The following CALN1 variants were observed in gnomAD, a reference collection of about 807,000 sequenced individuals.
CALN1 encodes calcium-binding protein 8.
Under a neutral mutation model 30.6 loss-of-function variants are expected in CALN1, and 17 were observed. The ratio of observed to expected loss-of-function variants is 0.56; its 90% CI spans 0.38 to 0.83. The LOEUF (loss-of-function observed/expected upper bound fraction) is 0.83, where lower values mean the gene tolerates loss of function less well. Among genes scored for constraint, CALN1 ranks in the 40% least tolerant of loss-of-function variants. The pLI is 0.00. For missense variants in CALN1, 291 were observed against 354.9 expected, an observed-to-expected ratio of 0.82 and a Z score of 1.45; for synonymous variants, 156 against 131.4, an observed-to-expected ratio of 1.19 and a Z score of -1.28.
intron 3 of CALN1, among the ~76,000 whole-genome samples, chr7:72,264,064 T>C (rs1029045361): frequency 6.6e-6 from 1 of 152,160 alleles, no homozygotes; most frequent in African/African-American, 2.4e-5. Flanking sequence ...GAGTCCCTCA[T>C]GCTAAAAGTT....
chr7:71,874,090 C>G (rs899125460), intron 5 of CALN1, among the ~76,000 whole-genome samples: 3 of 151,974 alleles, frequency 2.0e-5, no homozygotes, highest in Admixed American at 2.0e-4. Context: ...GCCCAGCCAA[C>G]ATGGTGACAT....
chr7:71,950,689 T>C lies in CALN1; in HGVS notation c.501+72968A>G, dbSNP rs375302306. ...TAAATCCAGTCAGAACACACCTCTTTAAACTTAAAGCTGCTTCAGACCACA... is the reference window on the plus strand; with the variant it reads ...TAAATCCAGTCAGAACACACCTCTTCAAACTTAAAGCTGCTTCAGACCACA... On this transcript the variant is annotated intron_variant, in intron 5 of 6. Transcript: ENST00000395275. Among the ~76,000 whole-genome samples, 12 of 152,232 alleles carry C rather than the reference T, an allele frequency of 7.9e-5. No homozygotes were observed. In the East Asian group the frequency reaches 2.1e-3, roughly 27 times the overall value.
chr7:72,411,790 T>C (rs1807169710), intron 1 of CALN1, among the ~76,000 whole-genome samples: 1 of 149,990 alleles, frequency 6.7e-6, no homozygotes, highest in African/African-American at 2.5e-5. Flanking sequence ...AATAAAGTAA[T>C]TACTCTTTTA....
At chr7:72,370,238 A>G (rs905276470) in intron 2 of CALN1, among the ~76,000 whole-genome samples, 1 of 152,136 alleles carries the variant, frequency 6.6e-6, no homozygotes, top group African/African-American at 2.4e-5. Flanking sequence ...ATCTTCTCAG[A>G]TGCTTATTTG....
intron 3 of CALN1, among the ~76,000 whole-genome samples, chr7:72,221,054 C>T (rs1425671565): frequency 1.3e-5 from 2 of 152,106 alleles, no homozygotes; most frequent in Admixed American, 1.3e-4. Context: ...TCAATTAGAT[C>T]CCATTTGTCA....
intron 1 of CALN1, among the ~76,000 whole-genome samples, chr7:72,446,336 C>A (rs1184718932): frequency 1.3e-5 from 2 of 152,252 alleles, no homozygotes; most frequent in African/African-American, 4.8e-5. Flanking sequence ...CTCCTTCTCT[C>A]TGCCAGGCTA....
intron 3 of CALN1, among the ~76,000 whole-genome samples, chr7:72,109,248 T>C (rs950944973): frequency 6.6e-6 from 1 of 152,162 alleles, no homozygotes; most frequent in African/African-American, 2.4e-5. Context: ...GACCACCCTG[T>C]GCACCAGGAC....
intron 3 of CALN1, among the ~76,000 whole-genome samples, chr7:72,235,496 G>A (rs1794412382): frequency 6.6e-6 from 1 of 152,084 alleles, no homozygotes; most frequent in Non-Finnish European, 1.5e-5. Context: ...CGCTAGCACA[G>A]ACAGGCTTGC....
intron 5 of CALN1, among the ~76,000 whole-genome samples, chr7:71,895,004 G>A (rs2116904301): frequency 6.6e-6 from 1 of 152,246 alleles, no homozygotes; most frequent in East Asian, 1.9e-4. Flanking sequence ...GCCCAGTCTG[G>A]AGTGCAGTGA....
At chr7:71,956,283 C>T (rs543571676) in intron 5 of CALN1, among the ~76,000 whole-genome samples, 1 of 149,898 alleles carries the variant, frequency 6.7e-6, no homozygotes, top group Non-Finnish European at 1.5e-5. Context: ...CCACTGTGCC[C>T]AGCCCGTTCT....
intron 2 of CALN1, among the ~76,000 whole-genome samples, chr7:72,299,686 TATC>T (rs145773094): frequency 2.2e-5 from 3 of 134,584 alleles, no homozygotes; most frequent in African/African-American, 5.6e-5. Context: ...AAGATGCTCT[TATC>T]TTTTTTTTTT....
rs577907893 is a variant in CALN1, at chr7:71,892,228, G to A, written c.502-81736C>T. 2.0e-5 allele frequency among the ~76,000 whole-genome samples: 3 copies of A among 152,178 alleles called. No individual in the cohort carries two copies. The East Asian group carries it at 5.8e-4, about 29-fold the overall frequency. Reference sequence around the variant, plus strand: ...AATTTATATTTCTTTTACCATGAATGAAGTTTGATAGATTTTTAAAAAATG... The same window carrying A: ...AATTTATATTTCTTTTACCATGAATAAAGTTTGATAGATTTTTAAAAAATG... On this transcript the variant is annotated intron_variant, in intron 5 of 6. Transcript: ENST00000395275.
chr7:72,413,228 TAC>T (rs958502913), upstream of CALN1, among the ~76,000 whole-genome samples: 1 of 146,884 alleles, frequency 6.8e-6, no homozygotes. Flanking sequence ...TACACACATA[TAC>T]ACTCACACAC....
intron 2 of CALN1, among the ~76,000 whole-genome samples, chr7:72,358,219 G>C (rs1183533659): frequency 6.6e-6 from 1 of 151,860 alleles, no homozygotes; most frequent in Non-Finnish European, 1.5e-5. Context: ...GGTCTCAAAT[G>C]CCTGGCCTCA....
At chr7:72,360,660 T>G (rs1369279764) in intron 2 of CALN1, among the ~76,000 whole-genome samples, 1 of 148,942 alleles carries the variant, frequency 6.7e-6, no homozygotes, top group East Asian at 2.0e-4. Context: ...ACGTGCAGAT[T>G]TGTTACATAT....
chr7:72,079,895 C>T (rs574271122), intron 4 of CALN1, among the ~76,000 whole-genome samples: 13 of 151,646 alleles, frequency 8.6e-5, no homozygotes, highest in Admixed American at 3.9e-4. Flanking sequence ...CTCAGCCTCC[C>T]GAGTAGCTGG....
intron 3 of CALN1, among the ~76,000 whole-genome samples, chr7:72,117,914 C>A (rs574516336): frequency 6.7e-6 from 1 of 149,992 alleles, no homozygotes. Context: ...GCCGAGATTG[C>A]GCCACTGTAC....
intron 2 of CALN1, among the ~76,000 whole-genome samples, chr7:72,340,141 C>T (rs1049486298): frequency 6.6e-6 from 1 of 152,182 alleles, no homozygotes; most frequent in Non-Finnish European, 1.5e-5. Flanking sequence ...GAGGAAGCCA[C>T]ACCTACAGGC....
chr7:72,398,950 G>C (rs1806158219), intron 2 of CALN1, among the ~76,000 whole-genome samples: 1 of 152,204 alleles, frequency 6.6e-6, no homozygotes, highest in Non-Finnish European at 1.5e-5. Flanking sequence ...CCTCCTGCTA[G>C]AGTGTCCTTT....
Sources: gnomAD v4.1 joint callset for allele counts (sites outside exome capture counted in the v4.1 genomes callset) on GRCh38, gnomAD v4.1.1 for gene constraint, MANE v1.5 for transcripts, NCBI Gene and HGNC (gene_info 2026-07-23, HGNC 2026-07-21) for gene names.